The following SEPTIN7 variants were observed in gnomAD, a reference collection of about 807,000 sequenced individuals.
SEPTIN7 encodes the protein septin 7.
SEPTIN7 carries 10 observed loss-of-function variants against 63.3 expected under a neutral mutation model. The observed-to-expected ratio is 0.16, with a 90% CI of 0.10 to 0.27. The LOEUF is 0.27. SEPTIN7 is among the 10% of genes least tolerant of loss of function. The pLI is 1.00. For synonymous variants in SEPTIN7, 131 were observed against 165.3 expected (o/e 0.79, Z 1.59); for missense variants, 310 against 521.0 (o/e 0.59, Z 3.94).
In SEPTIN7 at chr7:35,879,226, TAGCA is replaced by T. The variant is rs1481345175; in HGVS notation, c.513-594_513-591del. ...CATCTTGTCAGAGAAAGATAGTTGGTAGCAAGAACTGAATGTGGAGTTGGAAGAG... is the reference window on the plus strand; with the variant it reads ...CATCTTGTCAGAGAAAGATAGTTGGTAGAACTGAATGTGGAGTTGGAAGAG... On this transcript the variant is annotated intron_variant, in intron 6 of 13. Coordinates refer to ENST00000350320, the MANE Select transcript of SEPTIN7 (RefSeq NM_001788.6). 2.0e-5 allele frequency among the ~76,000 whole-genome samples: 3 copies of T among 152,316 alleles called. No individual in the cohort carries two copies. In the East Asian group the frequency reaches 5.8e-4, roughly 29 times the overall value.
chr7:35,828,116 A>G (rs1468053478), intron 1 of SEPTIN7, among the ~76,000 whole-genome samples: 1 of 152,172 alleles, frequency 6.6e-6, no homozygotes, highest in East Asian at 1.9e-4. Flanking sequence ...TATTTATTAT[A>G]ATAATTACAT....
chr7:35,817,638 G>A (rs374555541), intron 1 of SEPTIN7, among the ~76,000 whole-genome samples: 14 of 152,070 alleles, frequency 9.2e-5, no homozygotes, highest in African/African-American at 2.9e-4. Context: ...GAGTATTGTC[G>A]TCTTAACAGT....
At chr7:35,896,052 G>T (rs966489327) in intron 11 of SEPTIN7, among the ~76,000 whole-genome samples, 1 of 152,240 alleles carries the variant, frequency 6.6e-6, no homozygotes, top group East Asian at 1.9e-4. Context: ...TTTGTGATCT[G>T]CCTGCCTTGG....
At chr7:35,815,714 A>G (rs2115747104) in intron 1 of SEPTIN7, among the ~76,000 whole-genome samples, 1 of 152,308 alleles carries the variant, frequency 6.6e-6, no homozygotes, top group East Asian at 1.9e-4. Context: ...TTCCAAAGTT[A>G]GTTATATTCT....
At chr7:35,837,038 G>C (rs2115925124) in intron 3 of SEPTIN7, among the ~76,000 whole-genome samples, 1 of 152,140 alleles carries the variant, frequency 6.6e-6, no homozygotes, top group South Asian at 2.1e-4. Context: ...AATTCAAAAA[G>C]AAAGTTTAGA....
chr7:35,803,151 AT>A, intron 1 of SEPTIN7: 1 of 966,730 alleles, frequency 1.0e-6, no homozygotes, highest in Non-Finnish European at 1.2e-6. Context: ...TAGCTTAACA[AT>A]TTTTGTTGCA....
intron 4 of SEPTIN7, among the ~76,000 whole-genome samples, 199 bp downstream of exon 4, chr7:35,863,857 C>A (rs1785652819): frequency 6.7e-6 from 1 of 149,706 alleles, no homozygotes; most frequent in African/African-American, 2.5e-5. Context: ...TAGAACTTCC[C>A]AAATTTGTCT....
chr7:35,875,516 T>C (rs1786418895), intron 6 of SEPTIN7, among the ~76,000 whole-genome samples: 1 of 152,204 alleles, frequency 6.6e-6, no homozygotes, highest in African/African-American at 2.4e-5. Context: ...TAGATAATTA[T>C]AAATTGGTCC....
chr7:35,855,815 C>T (rs2116090961), intron 3 of SEPTIN7, among the ~76,000 whole-genome samples: 1 of 152,150 alleles, frequency 6.6e-6, no homozygotes, highest in South Asian at 2.1e-4. Flanking sequence ...TGTGTTTATT[C>T]TCTGGGTAGA....
At chr7:35,810,983 G>T (rs902696135) in intron 1 of SEPTIN7, among the ~76,000 whole-genome samples, 1 of 151,536 alleles carries the variant, frequency 6.6e-6, no homozygotes, top group Non-Finnish European at 1.5e-5. Context: ...TGGCCAGACT[G>T]GTATCGAACT....
chr7:35,852,953 G>A (rs1297212866), intron 3 of SEPTIN7, among the ~76,000 whole-genome samples: 1 of 152,046 alleles, frequency 6.6e-6, no homozygotes, highest in East Asian at 1.9e-4. Flanking sequence ...TTCTCAGCCT[G>A]CTAAAGAGGT....
intron 1 of SEPTIN7, among the ~76,000 whole-genome samples, chr7:35,806,782 T>C (rs943775014): frequency 1.3e-5 from 2 of 152,246 alleles, no homozygotes; most frequent in African/African-American, 4.8e-5. Flanking sequence ...AAAGTGTTTT[T>C]TCTGGGTAAC....
rs2116292835 is a variant in SEPTIN7, at chr7:35,883,907, C to G, written c.740C>G (p.Ala247Gly). 6.2e-7 allele frequency: 1 copy of G among 1,601,040 alleles called. No homozygotes were observed. Among genetic ancestry groups the G allele is most frequent in the South Asian group, 1.1e-5 (1 of 90,652 alleles). ...GTTTTATAGGACCGTTTACCTCTTG[C>G]TGTGGTAGGTAGTAATACTATCATT... ...VKKIKDRLPL[A>G]VVGSNTIIEV... The change falls in exon 9 of 14, where the codon GCT becomes GGT. Residue 247 changes from alanine (A) to glycine (G), a missense_variant. Physicochemically the swap from Ala to Gly is moderately conservative, Grantham distance 60 (BLOSUM62 0). Transcript: ENST00000350320.
At chr7:35,806,996 G>A (rs1416620076) in intron 1 of SEPTIN7, among the ~76,000 whole-genome samples, 4 of 152,108 alleles carry the variant, frequency 2.6e-5, no homozygotes, top group African/African-American at 9.7e-5. Flanking sequence ...CAGTTTTGCT[G>A]TGCTTTATAA....
At chr7:35,860,513 A>G (rs769735658) in intron 3 of SEPTIN7, among the ~76,000 whole-genome samples, 37 of 152,088 alleles carry the variant, frequency 2.4e-4, no homozygotes, top group Non-Finnish European at 4.1e-4. Context: ...TACCTTCAGT[A>G]TTTCTTGTAG....
intron 3 of SEPTIN7, among the ~76,000 whole-genome samples, chr7:35,834,006 T>C (rs1783958268): frequency 6.6e-6 from 1 of 152,044 alleles, no homozygotes; most frequent in Admixed American, 6.5e-5. Context: ...TGTCTATGTA[T>C]CTCTTGTTGA....
intron 3 of SEPTIN7, among the ~76,000 whole-genome samples, chr7:35,833,337 C>G (rs2115895566): frequency 6.6e-6 from 1 of 152,004 alleles, no homozygotes; most frequent in Admixed American, 6.5e-5. Flanking sequence ...GTTGATTACC[C>G]TTGGAATTCA....
intron 8 of SEPTIN7, among the ~76,000 whole-genome samples, chr7:35,883,526 A>G (rs1303067627): frequency 1.3e-5 from 2 of 152,026 alleles, no homozygotes; most frequent in African/African-American, 4.8e-5. Context: ...CAAGTAGGCA[A>G]GCTAGTCATT....
chr7:35,879,517 A>T (rs1786702184), intron 6 of SEPTIN7: 1 of 178,548 alleles, frequency 5.6e-6, no homozygotes, highest in African/African-American at 2.4e-5. Flanking sequence ...AAAACCTTGT[A>T]AATTTTGAGT....
Sources: gnomAD v4.1 joint callset for allele counts (sites outside exome capture counted in the v4.1 genomes callset) on GRCh38, gnomAD v4.1.1 for gene constraint, MANE v1.5 for transcripts, NCBI Gene and HGNC (gene_info 2026-07-23, HGNC 2026-07-21) for gene names.